Variants in TMEM132B observed in about 807,000 individuals in gnomAD.
TMEM132B encodes the protein transmembrane protein 132B.
A neutral mutation model predicts 90.8 loss-of-function variants in TMEM132B; 18 were observed. That is an observed-to-expected ratio of 0.20 (90% CI 0.14 to 0.29). The LOEUF is 0.29. TMEM132B is among the 10% of genes least tolerant of loss of function. The pLI is 1.00. For missense variants in TMEM132B, 1,096 were observed against 1,326.8 expected (o/e 0.83, Z 2.70); for synonymous variants, 504 against 523.3 (o/e 0.96, Z 0.50).
At chr12:125,323,594 C>T (rs546826816) in intron 1 of TMEM132B, among the ~76,000 whole-genome samples, 1 of 152,302 alleles carries the variant, frequency 6.6e-6, no homozygotes, top group African/African-American at 2.4e-5. Flanking sequence ...TCTCAGCTCA[C>T]TGCAACCTCT....
At chr12:125,215,103 C>T (rs1485302459) in intron 1 of TMEM132B, among the ~76,000 whole-genome samples, 1 of 152,216 alleles carries the variant, frequency 6.6e-6, no homozygotes, top group Non-Finnish European at 1.5e-5. Context: ...CTGCCACTCC[C>T]CTGATGCTCC....
intron 1 of TMEM132B, among the ~76,000 whole-genome samples, chr12:125,201,158 G>A (rs975514388): frequency 6.6e-6 from 1 of 152,136 alleles, no homozygotes; most frequent in African/African-American, 2.4e-5. Flanking sequence ...CTGAGCTGCT[G>A]AGAGGGTCTG....
chr12:125,417,979 G>A (rs1880064619), intron 3 of TMEM132B, among the ~76,000 whole-genome samples: 1 of 152,170 alleles, frequency 6.6e-6, no homozygotes, highest in Non-Finnish European at 1.5e-5. Flanking sequence ...GGCAGCAGAT[G>A]CTGATGGGGA....
intron 1 of TMEM132B, among the ~76,000 whole-genome samples, chr12:125,347,750 C>T (rs1382115775): frequency 6.6e-6 from 1 of 152,150 alleles, no homozygotes; most frequent in Non-Finnish European, 1.5e-5. Context: ...TCTGTCTGCC[C>T]TTGGCCTGCT....
At chr12:125,644,340 G>T in intron 6 of TMEM132B, 59 bp downstream of exon 6, 2 of 1,572,358 alleles carry the variant, frequency 1.3e-6, no homozygotes, top group Non-Finnish European at 1.7e-6. Flanking sequence ...ATCTTTGTGG[G>T]AGGCAAACTG....
rs1367117737 is a variant in TMEM132B at position 125,655,795 on chromosome 12, T to G, written c.*1085T>G. On this transcript the variant is annotated 3_prime_UTR_variant, in exon 9 of 9. Transcript: ENST00000682704. The stretch of plus-strand genomic sequence containing the variant: ...TTCCATTTTACCAGAACAAAAGTTT[T>G]TTTTTTTTTAAATAAGTAGAATGAC... The G allele has an allele frequency of 6.6e-6, 1 of 152,200 alleles. No homozygotes were observed. Among genetic ancestry groups the G allele is most frequent in the African/African-American group, 2.4e-5 (1 of 41,450 alleles). 9.4% of individuals were successfully genotyped at this position (152,200 alleles called of 1,614,324 possible).
chr12:125,652,310 C>A, intron 7 of TMEM132B, 131 bp from the exon 8 acceptor site: 1 of 777,318 alleles, frequency 1.3e-6, no homozygotes, highest in Non-Finnish European at 2.0e-6. Flanking sequence ...CATAATACTT[C>A]CCTAACCGAT....
chr12:125,548,580 A>T (rs1379455334), intron 4 of TMEM132B, among the ~76,000 whole-genome samples: 1 of 152,246 alleles, frequency 6.6e-6, no homozygotes, highest in Non-Finnish European at 1.5e-5. Flanking sequence ...GGCTCACAGT[A>T]TTCCAGGAAC....
chr12:125,374,898 C>T (rs576307514), intron 2 of TMEM132B, among the ~76,000 whole-genome samples: 1 of 152,192 alleles, frequency 6.6e-6, no homozygotes, highest in Admixed American at 6.5e-5. Flanking sequence ...TTGAGAGTTA[C>T]ATTTCATTTT....
At chr12:125,261,316 C>G (rs1874563020) in intron 1 of TMEM132B, among the ~76,000 whole-genome samples, 1 of 152,192 alleles carries the variant, frequency 6.6e-6, no homozygotes, top group Non-Finnish European at 1.5e-5. Context: ...TGAGTCTCCT[C>G]AGAGGTCACT....
intron 1 of TMEM132B, among the ~76,000 whole-genome samples, chr12:125,225,312 G>T (rs1445162296): frequency 6.6e-6 from 1 of 152,206 alleles, no homozygotes; most frequent in East Asian, 1.9e-4. Context: ...GTAAGGCCCA[G>T]TGAGAAATGA....
intron 1 of TMEM132B, among the ~76,000 whole-genome samples, chr12:125,190,690 T>G (rs1295638712): frequency 2.6e-4 from 1 of 3,830 alleles, no homozygotes; most frequent in Non-Finnish European, 4.6e-4. Context: ...GAAGGGGTGG[T>G]GATGGTGATG....
At chr12:125,263,470 G>A (rs1362650382) in intron 1 of TMEM132B, among the ~76,000 whole-genome samples, 2 of 152,146 alleles carry the variant, frequency 1.3e-5, no homozygotes, top group Non-Finnish European at 2.9e-5. Context: ...TTGGTGCCTG[G>A]CACTTGGCGA....
At chr12:125,640,619 G>C (rs1362205411) in intron 5 of TMEM132B, among the ~76,000 whole-genome samples, 1 of 152,124 alleles carries the variant, frequency 6.6e-6, no homozygotes, top group Admixed American at 6.5e-5. Flanking sequence ...TTCCTGGAGA[G>C]GACAGAGGTG....
intron 1 of TMEM132B, among the ~76,000 whole-genome samples, chr12:125,228,700 C>G (rs1873740483): frequency 6.6e-6 from 1 of 152,090 alleles, no homozygotes; most frequent in African/African-American, 2.4e-5. Context: ...GTCACTGGTG[C>G]CTACCCACAG....
chr12:125,282,027 C>CAAAAAAA (rs869083244), intron 1 of TMEM132B, among the ~76,000 whole-genome samples: 39 of 16,076 alleles, frequency 2.4e-3, no homozygotes, highest in African/African-American at 7.2e-3. Context: ...GACTCCGTCT[C>CAAAAAAA]AAAAAAAAAA....
chr12:125,340,013 T>C (rs1877125893), intron 1 of TMEM132B, among the ~76,000 whole-genome samples: 1 of 152,172 alleles, frequency 6.6e-6, no homozygotes, highest in African/African-American at 2.4e-5. Flanking sequence ...GCAAAGAAGT[T>C]AAATAAGTAA....
In TMEM132B at chr12:125,316,269, T is replaced by C. The variant is rs149494233; in HGVS notation, c.68-33183T>C. Among the ~76,000 whole-genome samples the C allele has an allele frequency of 1.6e-3, 251 of 152,326 alleles. 1 individual carries two copies. Among genetic ancestry groups the C allele is most frequent in the African/African-American group, 5.6e-3 (231 of 41,568 alleles). The stretch of plus-strand genomic sequence containing the variant: ...GGACAGTCCTATGGGCAATTGCTGA[T>C]GTGCTTCAGAGCTGCCTGGCTTGAG... On this transcript the variant is annotated intron_variant, in intron 1 of 8. Transcript: ENST00000682704.
chr12:125,199,160 A>C (rs1037815187), intron 1 of TMEM132B, among the ~76,000 whole-genome samples: 1 of 152,204 alleles, frequency 6.6e-6, no homozygotes, highest in South Asian at 2.1e-4. Context: ...GCTGCCCCTG[A>C]AACTGGCACA....
Sources: gnomAD v4.1 joint callset for allele counts (sites outside exome capture counted in the v4.1 genomes callset) on GRCh38, gnomAD v4.1.1 for gene constraint, MANE v1.5 for transcripts, NCBI Gene and HGNC (gene_info 2026-07-23, HGNC 2026-07-21) for gene names.